Variants in DNAH6 observed in about 807,000 individuals in gnomAD.
DNAH6 encodes dynein axonemal heavy chain 6, also known as axonemal beta dynein heavy chain 6.
In DNAH6, 340 loss-of-function variants were observed where a neutral mutation model predicts 491.4. The ratio of observed to expected loss-of-function variants is 0.69; its 90% CI spans 0.63 to 0.76. The LOEUF (loss-of-function observed/expected upper bound fraction) is 0.76, where lower values mean the gene tolerates loss of function less well. DNAH6 is among the 30% of genes least tolerant of loss of function. The probability of loss-of-function intolerance (pLI) is 0.00; values close to 1 mark genes in which losing one functional copy is unlikely to be tolerated. For synonymous variants in DNAH6, 1,603 were observed against 1,686.1 expected, an observed-to-expected ratio of 0.95 and a Z score of 1.21; for missense variants, 4,443 against 4,972.2, an observed-to-expected ratio of 0.89 and a Z score of 3.20.
intron 62 of DNAH6, among the ~76,000 whole-genome samples, chr2:84,739,087 T>C (rs1672270372): frequency 6.6e-6 from 1 of 152,330 alleles, no homozygotes; most frequent in South Asian, 2.1e-4. Context: ...TCTCCTTCAT[T>C]TATGAAGCTT....
At chr2:84,642,117 T>C in intron 33 of DNAH6, 63 bp downstream of exon 33, 1 of 1,055,230 alleles carries the variant, frequency 9.5e-7, no homozygotes, top group Non-Finnish European at 1.4e-6. Flanking sequence ...GGTAGTCTTT[T>C]CTTCAATTAT....
At chr2:84,462,471 G>C in the DNAH6 span, among the ~76,000 whole-genome samples, 4 of 152,176 alleles carry the variant, frequency 2.6e-5, no homozygotes, top group Admixed American at 2.6e-4. Flanking sequence ...CCTGAGTCAC[G>C]AGTGCATCCT....
chr2:84,697,264 T>C (rs1267306702), intron 46 of DNAH6, among the ~76,000 whole-genome samples: 2 of 152,192 alleles, frequency 1.3e-5, no homozygotes, highest in Non-Finnish European at 2.9e-5. Context: ...TTGATAAATA[T>C]GATGAGTACA....
At chr2:84,465,787 GA>G in the DNAH6 span, among the ~76,000 whole-genome samples, 1 of 152,122 alleles carries the variant, frequency 6.6e-6, no homozygotes, top group African/African-American at 2.4e-5. Context: ...TGTTTCACAG[GA>G]ATAAGCAGGG....
At chr2:84,580,688 A>G (rs1682932359) in intron 14 of DNAH6, among the ~76,000 whole-genome samples, 2 of 152,212 alleles carry the variant, frequency 1.3e-5, no homozygotes, top group African/African-American at 4.8e-5. Flanking sequence ...AGATTTGCTT[A>G]TAAATTGTCC....
At chr2:84,597,327 T>G (rs1405819065) in intron 18 of DNAH6, among the ~76,000 whole-genome samples, 1 of 152,072 alleles carries the variant, frequency 6.6e-6, no homozygotes, top group Non-Finnish European at 1.5e-5. Flanking sequence ...AATACACACT[T>G]CCCCAAAGAA....
intron 59 of DNAH6, among the ~76,000 whole-genome samples, chr2:84,719,995 A>G (rs1680248462): frequency 6.6e-6 from 1 of 152,102 alleles, no homozygotes; most frequent in African/African-American, 2.4e-5. Context: ...AACATTGCCT[A>G]AGGGTGAAGA....
At chr2:84,801,944 C>A (rs1295747908) in intron 70 of DNAH6, among the ~76,000 whole-genome samples, 1 of 151,340 alleles carries the variant, frequency 6.6e-6, no homozygotes, top group African/African-American at 2.4e-5. Flanking sequence ...CAAAGACTTT[C>A]ATATCCTGCC....
At chr2:84,739,903 T>C (rs1672347220) in intron 62 of DNAH6, among the ~76,000 whole-genome samples, 1 of 152,212 alleles carries the variant, frequency 6.6e-6, no homozygotes, top group African/African-American at 2.4e-5. Flanking sequence ...CTGGTTAGGA[T>C]CCATTGCTTG....
chr2:84,484,099 G>C, the DNAH6 span, among the ~76,000 whole-genome samples: 2 of 152,106 alleles, frequency 1.3e-5, no homozygotes, highest in African/African-American at 4.8e-5. Flanking sequence ...GATTTGTCTT[G>C]CTAAGCTGAC....
At position 84,705,553 on chromosome 2, in the gene DNAH6, G is replaced by A. The variant is rs865812538; in HGVS notation, c.8533G>A (p.Asp2845Asn). 1 of 1,551,510 alleles carries A rather than the reference G, an allele frequency of 6.4e-7. No individual in the cohort carries two copies. The highest frequency in any genetic ancestry group is 8.7e-7 in the Non-Finnish European group (1 of 1,146,898). ...CTTTCTAAAAAGGCTTTTAGAATAT[G>A]ATAAGGAGAACATAAAGCCTCAGAT... The part of the protein sequence containing the change: ...SNFLKRLLEY[D>N]KENIKPQILA... The change falls in exon 52 of 77, where the codon GAT (aspartate) becomes AAT (asparagine). Residue 2845 changes from aspartate to asparagine, a missense_variant. Asp to Asn is a conservative substitution (Grantham distance 23). Around this residue, in one of 3 missense-constraint regions of DNAH6, gnomAD observed 1,463 missense variants for 1,656.6 expected, o/e 0.88. Transcript: ENST00000389394.
chr2:84,586,259 T>G (rs935111292), intron 15 of DNAH6, among the ~76,000 whole-genome samples: 1 of 152,120 alleles, frequency 6.6e-6, no homozygotes, highest in Non-Finnish European at 1.5e-5. Context: ...CACCCCAACT[T>G]GGAAGGGGCA....
At chr2:84,777,827 T>G (rs1676296225) in intron 64 of DNAH6, 2 of 1,179,442 alleles carry the variant, frequency 1.7e-6, no homozygotes, top group African/African-American at 1.5e-5. Context: ...GGTCAAGATA[T>G]CCACTGGATT....
chr2:84,697,996 T>A (rs1226435085), intron 47 of DNAH6, among the ~76,000 whole-genome samples: 1 of 152,196 alleles, frequency 6.6e-6, no homozygotes, highest in Non-Finnish European at 1.5e-5. Flanking sequence ...CTCTTATTCC[T>A]CTTTAAGCAC....
chr2:84,514,993 A>G (rs535543108), upstream of DNAH6, among the ~76,000 whole-genome samples: 13 of 152,202 alleles, frequency 8.5e-5, no homozygotes, highest in African/African-American at 2.4e-4. Context: ...TTGAGGAGCA[A>G]TAGATTTGTC....
At chr2:84,541,666 A>G (rs1295692531) in intron 4 of DNAH6, among the ~76,000 whole-genome samples, 1 of 152,054 alleles carries the variant, frequency 6.6e-6, no homozygotes, top group African/African-American at 2.4e-5. Flanking sequence ...GTGAGGTGAA[A>G]CCTCTCCATC....
At chr2:84,795,742 G>T (rs57591326) in intron 68 of DNAH6, among the ~76,000 whole-genome samples, 3,773 of 152,288 alleles carry the variant, frequency 0.025, 127 homozygotes, top group African/African-American at 0.082. Context: ...CACATGGAAA[G>T]TAGCTTCTCT....
rs1194168667 is a variant in DNAH6, at chr2:84,718,394, A to G, written c.9792+10A>G. On this transcript the variant is annotated intron_variant, in intron 59 of 76. Coordinates refer to ENST00000389394, the MANE Select transcript of DNAH6 (RefSeq NM_001370.2). ...ACTCCAGGATTCAAAGGCAAGTAAAATATTTTTAGTACTTATGGAAAGTAT... is the reference window on the plus strand; with the variant it reads ...ACTCCAGGATTCAAAGGCAAGTAAAGTATTTTTAGTACTTATGGAAAGTAT... 7.9e-6 allele frequency: 12 copies of G among 1,518,598 alleles called. No homozygotes were observed. Among genetic ancestry groups the G allele is most frequent in the Non-Finnish European group, 9.7e-6 (11 of 1,133,978 alleles). 94.1% of individuals were successfully genotyped at this position (1,518,598 alleles called of 1,614,324 possible).
At chr2:84,507,526 A>C in the DNAH6 span, among the ~76,000 whole-genome samples, 1 of 152,112 alleles carries the variant, frequency 6.6e-6, no homozygotes, top group Non-Finnish European at 1.5e-5. Context: ...GGACAATTTG[A>C]CTTCCTCTTT....
Sources: allele counts gnomAD v4.1 joint callset (sites outside exome capture counted in the v4.1 genomes callset), GRCh38; gene constraint gnomAD v4.1.1; regional missense constraint gnomAD v4.1.1; transcripts MANE v1.5; gene names NCBI Gene and HGNC (gene_info 2026-07-23, HGNC 2026-07-21).